Variants in SGPP2 observed in about 807,000 individuals in gnomAD.
The protein encoded by SGPP2 is sphingosine-1-phosphate phosphatase 2, also known as sphingosine 1-phosphate phosphohydrolase 2.
In SGPP2, 30 loss-of-function variants were observed where a neutral mutation model predicts 33.9. The observed-to-expected ratio is 0.89, with a 90% confidence interval of 0.66 to 1.20. The LOEUF (loss-of-function observed/expected upper bound fraction) is 1.20, where lower values mean the gene tolerates loss of function less well. SGPP2 is among the 50% of genes most tolerant of loss of function. SGPP2 has a pLI of 0.00. For missense variants in SGPP2, 458 were observed against 532.1 expected (o/e 0.86, Z 1.37); for synonymous variants, 233 against 225.0 (o/e 1.04, Z -0.32).
At chr2:222,504,549 C>T (rs896328855) in intron 2 of SGPP2, 6 of 152,176 alleles carry the variant, frequency 3.9e-5, no homozygotes, top group East Asian at 1.9e-4. Flanking sequence ...TTGTCTAAGA[C>T]GGTAAAGAGT....
At chr2:222,519,677 G>A (rs1019376463) in intron 2 of SGPP2, among the ~76,000 whole-genome samples, 1 of 152,162 alleles carries the variant, frequency 6.6e-6, no homozygotes, top group Non-Finnish European at 1.5e-5. Context: ...CTCCCTCCCC[G>A]TCTAGTGGTC....
intron 2 of SGPP2, among the ~76,000 whole-genome samples, chr2:222,511,313 A>G (rs1416899534): frequency 6.6e-6 from 1 of 152,188 alleles, no homozygotes; most frequent in African/African-American, 2.4e-5. Context: ...TTTTCTTTCT[A>G]TCTATATATT....
At chr2:222,506,395 T>C (rs569665148) in intron 2 of SGPP2, among the ~76,000 whole-genome samples, 1 of 152,348 alleles carries the variant, frequency 6.6e-6, no homozygotes, top group African/African-American at 2.4e-5. Context: ...ATGAAATTAC[T>C]TGATATGTAC....
At chr2:222,534,475 G>C (rs554221007) in intron 4 of SGPP2, among the ~76,000 whole-genome samples, 3 of 151,422 alleles carry the variant, frequency 2.0e-5, no homozygotes, top group Non-Finnish European at 4.4e-5. Flanking sequence ...CCCAACTTTT[G>C]TTTTAGTTTT....
chr2:222,449,412 A>G (rs1430164984), intron 1 of SGPP2, among the ~76,000 whole-genome samples: 7 of 151,992 alleles, frequency 4.6e-5, no homozygotes, highest in Non-Finnish European at 1.5e-5. Context: ...TACAACTTTG[A>G]AGAACTTGGA....
intron 1 of SGPP2, among the ~76,000 whole-genome samples, chr2:222,444,170 TTG>T (rs1396460857): frequency 6.6e-6 from 1 of 152,230 alleles, no homozygotes; most frequent in Admixed American, 6.5e-5. Flanking sequence ...ACAAGGGACC[TTG>T]GGACCATACA....
intron 2 of SGPP2, among the ~76,000 whole-genome samples, chr2:222,495,396 A>C (rs778159060): frequency 1.3e-5 from 2 of 152,224 alleles, no homozygotes; most frequent in Non-Finnish European, 1.5e-5. Context: ...CCTGGAAAAC[A>C]GAGCAAGGCC....
At chr2:222,524,903 A>G (rs1008498669) in intron 3 of SGPP2, 41 bp from the exon 4 acceptor site, 1 of 1,461,542 alleles carries the variant, frequency 6.8e-7, no homozygotes, top group African/African-American at 1.4e-5. Context: ...TGTATGTCTG[A>G]GTGTGATCTA....
intron 4 of SGPP2, among the ~76,000 whole-genome samples, chr2:222,529,673 T>C (rs994912035): frequency 1.3e-5 from 2 of 152,192 alleles, no homozygotes; most frequent in East Asian, 3.9e-4. Context: ...ACTTCCTCCA[T>C]TGAAGTCGTA....
At chr2:222,452,577 CCA>C (rs1454692377) in intron 1 of SGPP2, 1 of 1,254,544 alleles carries the variant, frequency 8.0e-7, no homozygotes, top group African/African-American at 1.5e-5. Flanking sequence ...AGATTCCTCT[CCA>C]CAGTTATAGA....
At chr2:222,455,483 G>A (rs1466002550) in intron 1 of SGPP2, among the ~76,000 whole-genome samples, 1 of 152,284 alleles carries the variant, frequency 6.6e-6, no homozygotes, top group East Asian at 1.9e-4. Context: ...ACATAAAAAA[G>A]GAGAGGCAGG....
upstream of SGPP2, chr2:222,424,539 C>A: frequency 3.6e-6 from 4 of 1,099,062 alleles, no homozygotes; most frequent in African/African-American, 1.6e-5. Context: ...GCGGGAGTGG[C>A]GGTGCCAGCG....
intron 2 of SGPP2, among the ~76,000 whole-genome samples, chr2:222,520,738 A>AC (rs1559168297): frequency 2.6e-4 from 4 of 15,640 alleles, no homozygotes; most frequent in East Asian, 0.021. Context: ...AAAAAAAAAA[A>AC]AAAAAAACCC....
rs547972016 is a variant in SGPP2 at position 222,533,789 on chromosome 2, A to G, written c.648+8756A>G. Among the ~76,000 whole-genome samples the G allele has an allele frequency of 7.4e-4, 80 of 107,556 alleles. 1 individual carries two copies. The East Asian group carries it at 0.038, about 51-fold the overall frequency. The allele number at this position is 107,556 out of a possible 152,430, so 70.6% of individuals were successfully genotyped here. A position where few individuals can be genotyped will look rare whatever the true frequency, so the allele number is the denominator to read the frequency against. ...GAGATTGGAGTTCTGGGCTTCATTT[A>G]TTTTTTTTTTTTTTCTATTTCGCTC... On this transcript the variant is annotated intron_variant, in intron 4 of 4. Transcript: ENST00000321276.
At position 222,559,506 on chromosome 2, in the gene SGPP2, G is replaced by A. The variant is rs1376839710; in HGVS notation, c.*608G>A. ...AGACAGGATCTTGCTCTGTTTCCCA[G>A]GCTGTATTACAGTGGCACAATCTCA... On this transcript the variant is annotated 3_prime_UTR_variant, in exon 5 of 5. Transcript: ENST00000321276. 1 of 154,066 alleles carries A rather than the reference G, an allele frequency of 6.5e-6. No individual in the cohort carries two copies. The highest frequency in any genetic ancestry group is 1.4e-5 in the Non-Finnish European group (1 of 69,432). 9.5% of individuals were successfully genotyped at this position (154,066 alleles called of 1,614,324 possible).
Position 222,477,454 on chromosome 2 carries a change from T to C in SGPP2, c.378+2728T>C. ...ATATGTGTGAATGTATGTATATAGG[T>C]GTGTATATATGTGTATGCATGTGTG... On this transcript the variant is annotated intron_variant, in intron 2 of 4. Transcript: ENST00000321276. This position sits in a 1 kb window ranked among gnomAD's most constrained non-coding sequence, Gnocchi z 6.0. 6.6e-6 allele frequency among the ~76,000 whole-genome samples: 1 copy of C among 151,874 alleles called. No homozygotes were observed. Among genetic ancestry groups the C allele is most frequent in the South Asian group, 2.1e-4 (1 of 4,824 alleles).
At chr2:222,528,594 A>T (rs1454305501) in intron 4 of SGPP2, among the ~76,000 whole-genome samples, 1 of 152,020 alleles carries the variant, frequency 6.6e-6, no homozygotes, top group Non-Finnish European at 1.5e-5. Flanking sequence ...TCATTGCTGA[A>T]GGGTGGAGGG....
chr2:222,440,666 T>C (rs1037429315), intron 1 of SGPP2, among the ~76,000 whole-genome samples: 14 of 152,152 alleles, frequency 9.2e-5, no homozygotes, highest in African/African-American at 3.4e-4. Context: ...AAATACTGTT[T>C]TTTTAACATT....
chr2:222,441,282 T>C (rs1697321663), intron 1 of SGPP2, among the ~76,000 whole-genome samples: 1 of 152,244 alleles, frequency 6.6e-6, no homozygotes, highest in African/African-American at 2.4e-5. Flanking sequence ...AATAGATTTA[T>C]GTTCTTCTCC....
Sources: gnomAD v4.1 joint callset for allele counts (sites outside exome capture counted in the v4.1 genomes callset) on GRCh38, gnomAD v4.1.1 for gene constraint, Gnocchi (gnomAD v3.1) non-coding constraint, MANE v1.5 for transcripts, NCBI Gene and HGNC (gene_info 2026-07-23, HGNC 2026-07-21) for gene names.